The following COL6A5 variants were observed in gnomAD, a reference collection of about 807,000 sequenced individuals.
The protein encoded by COL6A5 is collagen alpha-5(VI) chain.
A neutral mutation model predicts 65.6 loss-of-function variants in COL6A5; 48 were observed. The observed-to-expected ratio is 0.73, with a 90% confidence interval of 0.58 to 0.93. The LOEUF is 0.93. Among genes scored for constraint, COL6A5 ranks in the 40% least tolerant of loss-of-function variants. The probability of loss-of-function intolerance (pLI) is 0.00; values close to 1 mark genes in which losing one functional copy is unlikely to be tolerated. For synonymous variants in COL6A5, 291 were observed against 322.8 expected, an observed-to-expected ratio of 0.90 and a Z score of 1.05; for missense variants, 914 against 928.3, an observed-to-expected ratio of 0.98 and a Z score of 0.20.
chr3:130,350,361 A>G (rs1934656726), intron 1 of COL6A5, among the ~76,000 whole-genome samples: 1 of 152,368 alleles, frequency 6.6e-6, no homozygotes, highest in African/African-American at 2.4e-5. Context: ...GAAAAGAGGA[A>G]GTCAAATTGT....
Position 130,379,400 on chromosome 3 carries a change from C to T in COL6A5, c.668-18C>T. 1 of 1,541,858 alleles carries T rather than the reference C, an allele frequency of 6.5e-7. No homozygotes were observed. The highest frequency in any genetic ancestry group is 8.8e-7 in the Non-Finnish European group (1 of 1,141,592). ...CCAGTGGTTTATACTAATCCTCACA[C>T]ATTTTCTGTCTGCATAGTTCACTTC... On this transcript the variant is annotated intron_variant and NMD_transcript_variant, in intron 3 of 41. Transcript: ENST00000312481.
chr3:130,395,452 C>T lies in COL6A5; in HGVS notation c.3555C>T (p.Ser1185=), dbSNP rs1020089216. The change falls in exon 8 of 42, where the codon AGC becomes AGT. Residue 1185 remains serine, a synonymous_variant and NMD_transcript_variant. Transcript: ENST00000312481. ...GAATCATCCGTGAAATCTGCCAGAG[C>T]TGTGGGAAAACCAGTAAGTGCTTCT... is the stretch of plus-strand genomic sequence containing the variant. 9 of 1,540,516 alleles carry T rather than the reference C, an allele frequency of 5.8e-6. No individual in the cohort carries two copies. In the African/African-American group the frequency reaches 1.3e-4, roughly 21 times the overall value.
At chr3:130,427,092 G>A (rs1411648729), upstream of COL6A5, among the ~76,000 whole-genome samples, 4 of 152,066 alleles carry the variant, frequency 2.6e-5, no homozygotes, top group African/African-American at 4.8e-5. Context: ...ATCATCTTCT[G>A]AGAAAATATT....
At chr3:130,356,655 T>C (rs1173463812) in intron 1 of COL6A5, among the ~76,000 whole-genome samples, 2 of 151,922 alleles carry the variant, frequency 1.3e-5, no homozygotes, top group Admixed American at 1.3e-4. Flanking sequence ...AAACCAAAAG[T>C]AACTAATAAA....
At chr3:130,381,328 T>C (rs183673043) in intron 4 of COL6A5, among the ~76,000 whole-genome samples, 172 of 152,268 alleles carry the variant, frequency 1.1e-3, no homozygotes, top group Middle Eastern at 3.4e-3. Flanking sequence ...TTAAATACTC[T>C]TTTGAAACAT....
chr3:130,379,957 GAA>G, exon 4 of COL6A5: 1 of 1,551,268 alleles, frequency 6.4e-7, no homozygotes, highest in Non-Finnish European at 8.7e-7. Flanking sequence ...TGCAGACTTA[GAA>G]ACTTACAGTA....
chr3:130,475,851 C>T (rs1307902970), intron 7 of COL6A5, among the ~76,000 whole-genome samples: 1 of 152,058 alleles, frequency 6.6e-6, no homozygotes, highest in Non-Finnish European at 1.5e-5. Flanking sequence ...CATTGGATTC[C>T]CTTTAAAACC....
At chr3:130,410,326 C>T in intron 19 of COL6A5, 145 bp from the exon 20 acceptor site, 1 of 670,548 alleles carries the variant, frequency 1.5e-6, no homozygotes, top group East Asian at 2.7e-5. Context: ...CTTGAAAGGG[C>T]ATATAACTGT....
intron 7 of COL6A5, among the ~76,000 whole-genome samples, chr3:130,482,033 G>C (rs113588044): frequency 3.0e-4 from 45 of 152,298 alleles, no homozygotes; most frequent in African/African-American, 9.9e-4. Context: ...TTGCTGTGCA[G>C]ATGCTGTTTA....
upstream of COL6A5, among the ~76,000 whole-genome samples, chr3:130,426,795 TG>T (rs1366980340): frequency 6.6e-6 from 1 of 150,660 alleles, no homozygotes; most frequent in Non-Finnish European, 1.5e-5. Flanking sequence ...GATGTTTGCA[TG>T]GGGGTAACTG....
At chr3:130,415,544 G>A (rs1040996005) in intron 22 of COL6A5, 101 bp from the exon 23 acceptor site, 15 of 1,071,802 alleles carry the variant, frequency 1.4e-5, no homozygotes, top group Non-Finnish European at 2.0e-5. Context: ...GCTGTGGGAA[G>A]GGCTGGACCA....
At chr3:130,365,088 G>A (rs1258101013) in intron 1 of COL6A5, among the ~76,000 whole-genome samples, 1 of 152,136 alleles carries the variant, frequency 6.6e-6, no homozygotes, top group Non-Finnish European at 1.5e-5. Context: ...TGTAGGTCAG[G>A]TGCTCATTGT....
intron 1 of COL6A5, among the ~76,000 whole-genome samples, chr3:130,352,155 C>T (rs1934744268): frequency 1.3e-5 from 2 of 152,008 alleles, no homozygotes. Context: ...TGGGGCCTGT[C>T]AGCAGGTGTG....
At chr3:130,449,960 G>T (rs148008094) in intron 4 of COL6A5, among the ~76,000 whole-genome samples, 2 of 152,054 alleles carry the variant, frequency 1.3e-5, no homozygotes, top group Non-Finnish European at 2.9e-5. Flanking sequence ...AGTGACCCCC[G>T]TGGGGACAAT....
intron 4 of COL6A5, among the ~76,000 whole-genome samples, chr3:130,446,289 A>G (rs1709302105): frequency 1.3e-5 from 2 of 152,132 alleles, no homozygotes; most frequent in South Asian, 4.1e-4. Flanking sequence ...GAGAGGTCGA[A>G]TAAGTGGAGG....
At chr3:130,447,451 G>A (rs1029122411) in intron 4 of COL6A5, among the ~76,000 whole-genome samples, 9 of 152,120 alleles carry the variant, frequency 5.9e-5, no homozygotes, top group Admixed American at 3.9e-4. Context: ...TTTTAATCCA[G>A]CGGCATTGAC....
intron 1 of COL6A5, among the ~76,000 whole-genome samples, chr3:130,347,402 G>T (rs762310767): frequency 4.0e-5 from 6 of 151,278 alleles, no homozygotes; most frequent in African/African-American, 1.5e-4. Context: ...CATCTAAAAG[G>T]CTTTTTCACA....
intron 3 of COL6A5, among the ~76,000 whole-genome samples, chr3:130,378,942 G>A (rs1475966059): frequency 6.6e-6 from 1 of 152,146 alleles, no homozygotes; most frequent in Non-Finnish European, 1.5e-5. Flanking sequence ...ACTCCCTGTA[G>A]TAAGAGATAT....
rs555118852 is a variant in COL6A5, at chr3:130,391,800, T to C, written c.2992+46T>C. 128 of 1,407,098 alleles carry C rather than the reference T, an allele frequency of 9.1e-5. 1 individual carries two copies. In the African/African-American group the frequency reaches 1.7e-3, roughly 19 times the overall value. 87.2% of individuals were successfully genotyped at this position (1,407,098 alleles called of 1,614,324 possible). On this transcript the variant is annotated intron_variant and NMD_transcript_variant, in intron 7 of 41. Coordinates refer to the COL6A5 transcript ENST00000312481. Reference sequence around the variant, plus strand: ...TTTCTATGGGGGTAGCAATAAAAGTTTAAACAAAAAGTAAATCATAAGTCT... The same window carrying C: ...TTTCTATGGGGGTAGCAATAAAAGTCTAAACAAAAAGTAAATCATAAGTCT...
Sources: allele counts gnomAD v4.1 joint callset (sites outside exome capture counted in the v4.1 genomes callset), GRCh38; gene constraint gnomAD v4.1.1; transcripts MANE v1.5; gene names NCBI Gene and HGNC (gene_info 2026-07-23, HGNC 2026-07-21).